NEGR1: variants seen among roughly 807,000 people sequenced by gnomAD.
NEGR1 encodes the protein neuronal growth regulator 1.
A neutral mutation model predicts 40.9 loss-of-function variants in NEGR1; 10 were observed. The observed-to-expected ratio is 0.24, with a 90% CI of 0.15 to 0.42. NEGR1 has a LOEUF of 0.42. Ranked by LOEUF, NEGR1 falls within the 10% of genes least tolerant of loss-of-function variation. NEGR1 has a pLI of 1.00. For synonymous variants in NEGR1, 185 were observed against 166.8 expected, an observed-to-expected ratio of 1.11 and a Z score of -0.84; for missense variants, 352 against 438.9, an observed-to-expected ratio of 0.80 and a Z score of 1.77.
intron 1 of NEGR1, among the ~76,000 whole-genome samples, chr1:72,032,978 A>G (rs948626211): frequency 6.6e-6 from 1 of 152,174 alleles, no homozygotes; most frequent in East Asian, 1.9e-4. Context: ...TATAAGTGTT[A>G]GCTATTATTA....
rs1570120331 is a variant in NEGR1 at position 71,625,109 on chromosome 1, T to C, written c.668-13963A>G. ...ATGTAGGCCAAAAAAGATGTCATAA[T>C]TTCATTCACCTTTGCTGAGTAGAAC... is the stretch of plus-strand genomic sequence containing the variant. On this transcript the variant is annotated intron_variant, in intron 4 of 6. Transcript: ENST00000357731. Among the ~76,000 whole-genome samples, 5 of 152,172 alleles carry C rather than the reference T, an allele frequency of 3.3e-5. No individual in the cohort carries two copies. In the South Asian group the frequency reaches 1.0e-3, roughly 32 times the overall value.
chr1:71,810,957 C>G (rs553351081), intron 2 of NEGR1, among the ~76,000 whole-genome samples: 1 of 152,112 alleles, frequency 6.6e-6, no homozygotes, highest in Non-Finnish European at 1.5e-5. Context: ...TCTGTTAATT[C>G]TTGTTTATTA....
intron 1 of NEGR1, among the ~76,000 whole-genome samples, chr1:72,277,118 T>C (rs1269455631): frequency 1.3e-5 from 2 of 152,166 alleles, no homozygotes; most frequent in Non-Finnish European, 2.9e-5. Context: ...ATTCATGATG[T>C]TGTCCCTTCA....
chr1:71,963,779 T>C (rs555790525), intron 1 of NEGR1, among the ~76,000 whole-genome samples: 4 of 152,292 alleles, frequency 2.6e-5, no homozygotes, highest in East Asian at 3.9e-4. Flanking sequence ...ATTAAGCATA[T>C]TTAGTAATCA....
chr1:72,208,215 G>A (rs1653479904), intron 1 of NEGR1, among the ~76,000 whole-genome samples: 1 of 151,676 alleles, frequency 6.6e-6, no homozygotes, highest in African/African-American at 2.4e-5. Context: ...GTCTTCATGT[G>A]ATTAAATAAT....
intron 1 of NEGR1, among the ~76,000 whole-genome samples, chr1:72,111,269 T>C (rs1399395633): frequency 6.6e-6 from 1 of 151,650 alleles, no homozygotes; most frequent in African/African-American, 2.4e-5. Context: ...CCCATGCCAC[T>C]GAAATGCTGT....
At chr1:71,636,542 C>T (rs577559060) in intron 4 of NEGR1, among the ~76,000 whole-genome samples, 2 of 152,162 alleles carry the variant, frequency 1.3e-5, no homozygotes, top group East Asian at 1.9e-4. Context: ...AGCACCGAAT[C>T]ATTGCCATCA....
chr1:71,898,661 G>GTT lies in NEGR1; in HGVS notation c.409+36416_409+36417dup, dbSNP rs71074811. Among the ~76,000 whole-genome samples the GTT allele has an allele frequency of 7.1e-4, 93 of 130,456 alleles. No homozygotes were observed. In the South Asian group the frequency reaches 7.8e-3, roughly 11 times the overall value. 85.6% of individuals were successfully genotyped at this position (130,456 alleles called of 152,430 possible). A position where few individuals can be genotyped will look rare whatever the true frequency, so the allele number is the denominator to read the frequency against. On this transcript the variant is annotated intron_variant, in intron 2 of 6. Transcript: ENST00000357731. The stretch of plus-strand genomic sequence containing the variant: ...AACAAATAAACAAAAAAACTGCTTT[G>GTT]TTTTTTTTTCATTTAATGTTTAAAT...
intron 4 of NEGR1, among the ~76,000 whole-genome samples, chr1:71,632,733 A>G (rs1651016316): frequency 2.0e-5 from 3 of 151,934 alleles, no homozygotes; most frequent in African/African-American, 7.2e-5. Context: ...GATTTACTGT[A>G]CATCTGTTAT....
chr1:71,565,196 A>G (rs910801159), intron 6 of NEGR1, among the ~76,000 whole-genome samples: 5 of 152,216 alleles, frequency 3.3e-5, no homozygotes, highest in African/African-American at 1.2e-4. Flanking sequence ...TATGAATTCT[A>G]TCCAAAACAG....
At chr1:72,193,887 T>C (rs1385839925) in intron 1 of NEGR1, among the ~76,000 whole-genome samples, 2 of 151,670 alleles carry the variant, frequency 1.3e-5, no homozygotes, top group Non-Finnish European at 3.0e-5. Context: ...GCCCTATAGA[T>C]TAACCCCAAG....
chr1:71,414,507 G>T (rs1309592722), intron 6 of NEGR1, among the ~76,000 whole-genome samples: 2 of 152,168 alleles, frequency 1.3e-5, no homozygotes, highest in African/African-American at 4.8e-5. Context: ...AATCAAGCAG[G>T]TCTCACACAG....
intron 1 of NEGR1, among the ~76,000 whole-genome samples, chr1:72,257,491 A>G (rs1286911502): frequency 6.6e-6 from 1 of 152,154 alleles, no homozygotes; most frequent in Non-Finnish European, 1.5e-5. Flanking sequence ...TTTTATAGAA[A>G]TATACATACG....
chr1:72,072,766 G>A (rs1231005609), intron 1 of NEGR1, among the ~76,000 whole-genome samples: 1 of 152,062 alleles, frequency 6.6e-6, no homozygotes, highest in Non-Finnish European at 1.5e-5. Flanking sequence ...TTTATAGAAA[G>A]AGAACTCCCT....
chr1:72,138,410 C>T (rs78872839), intron 1 of NEGR1, among the ~76,000 whole-genome samples: 87 of 151,880 alleles, frequency 5.7e-4, no homozygotes, highest in Non-Finnish European at 1.0e-3. Context: ...TTCTAAATAC[C>T]TTGATTCAGA....
Position 71,740,619 on chromosome 1 carries a change from T to C in NEGR1, c.535+35553A>G, listed in dbSNP as rs12037107. Among the ~76,000 whole-genome samples the C allele has an allele frequency of 2.0e-5, 3 of 152,186 alleles. No individual in the cohort carries two copies. In the East Asian group the frequency reaches 5.8e-4, roughly 29 times the overall value. On this transcript the variant is annotated intron_variant, in intron 3 of 6. Transcript: ENST00000357731. ...TGGGTAGCTCATATGTATTCAGCTA[T>C]AATGTAATTTTCAAGATATATTATT...
At chr1:71,639,973 C>A (rs1361704630) in intron 4 of NEGR1, among the ~76,000 whole-genome samples, 2 of 152,042 alleles carry the variant, frequency 1.3e-5, no homozygotes, top group Admixed American at 1.3e-4. Flanking sequence ...TGGATCGAAG[C>A]AGAACTGCTC....
In NEGR1 at chr1:72,013,963, T is replaced by TAAAAAATA. The variant is rs1646684295; in HGVS notation, c.177-78653_177-78652insTATTTTTT. Among the ~76,000 whole-genome samples, 6 of 88,500 alleles carry TAAAAAATA rather than the reference T, an allele frequency of 6.8e-5. No individual in the cohort carries two copies. The East Asian group carries it at 9.1e-4, about 13-fold the overall frequency. The allele number at this position is 88,500 out of a possible 152,430, so 58.1% of individuals were successfully genotyped here. A position where few individuals can be genotyped will look rare whatever the true frequency, so the allele number is the denominator to read the frequency against. ...GTCCCAAGAGATGCTCTGTGAAAAA[T>TAAAAAATA]AAAAAAAAAAAAAAAAAAAAAAAAA... On this transcript the variant is annotated intron_variant, in intron 1 of 6. Coordinates refer to ENST00000357731, the MANE Select transcript of NEGR1 (RefSeq NM_173808.3).
At chr1:71,761,905 A>G (rs1487285092) in intron 3 of NEGR1, among the ~76,000 whole-genome samples, 3 of 152,114 alleles carry the variant, frequency 2.0e-5, no homozygotes, top group East Asian at 1.9e-4. Context: ...AGATAGGTAA[A>G]TACAAAATAC....
Sources: allele counts gnomAD v4.1 joint callset (sites outside exome capture counted in the v4.1 genomes callset), GRCh38; gene constraint gnomAD v4.1.1; transcripts MANE v1.5; gene names NCBI Gene and HGNC (gene_info 2026-07-23, HGNC 2026-07-21).